Variants in ZMYND11 observed in about 807,000 individuals in gnomAD.
ZMYND11 encodes the protein zinc finger MYND-type containing 11, also known as zinc finger MYND domain-containing protein 11.
In ZMYND11, 9 loss-of-function variants were observed where a neutral mutation model predicts 84.9. That is an observed-to-expected ratio of 0.11 (90% CI 0.06 to 0.18). The LOEUF is 0.18. Ranked by LOEUF, ZMYND11 falls within the 10% of genes least tolerant of loss-of-function variation. ZMYND11 has a pLI of 1.00. For synonymous variants in ZMYND11, 250 were observed against 244.1 expected, an observed-to-expected ratio of 1.02 and a Z score of -0.23; for missense variants, 409 against 761.0, an observed-to-expected ratio of 0.54 and a Z score of 5.44.
chr10:166,692 C>CA (rs1489518036), intron 1 of ZMYND11, among the ~76,000 whole-genome samples: 1 of 152,028 alleles, frequency 6.6e-6, no homozygotes, highest in Non-Finnish European at 1.5e-5. Context: ...ACTAATTCTT[C>CA]AAAAGGTTAA....
intron 2 of ZMYND11, 41 bp from the exon 3 acceptor site, chr10:209,848 G>A (rs376890891): frequency 2.5e-6 from 4 of 1,570,158 alleles, no homozygotes; most frequent in Admixed American, 1.8e-5. Flanking sequence ...TTAGTTTTCA[G>A]TACTGAAAGA....
intron 2 of ZMYND11, among the ~76,000 whole-genome samples, chr10:199,232 T>C (rs1942513126): frequency 2.0e-5 from 3 of 151,730 alleles, no homozygotes; most frequent in Non-Finnish European, 1.5e-5. Flanking sequence ...GAACTCTCTC[T>C]CTCTCCCTTC....
chr10:150,502 TTTTC>T (rs1840067388), intron 1 of ZMYND11, among the ~76,000 whole-genome samples: 1 of 152,228 alleles, frequency 6.6e-6, no homozygotes, highest in African/African-American at 2.4e-5. Flanking sequence ...TTCTTCTCTT[TTTTC>T]TTCTTTATTA....
intron 3 of ZMYND11, among the ~76,000 whole-genome samples, chr10:216,211 G>A (rs1028589616): frequency 1.2e-4 from 18 of 152,150 alleles, no homozygotes; most frequent in African/African-American, 3.9e-4. Context: ...AAGCAGGGGC[G>A]CCCTTGCGTT....
chr10:153,287 T>G (rs2131354326), intron 1 of ZMYND11, among the ~76,000 whole-genome samples: 1 of 152,368 alleles, frequency 6.6e-6, no homozygotes, highest in East Asian at 1.9e-4. Context: ...CTAGTGTGAT[T>G]CCTATATAAT....
intron 3 of ZMYND11, among the ~76,000 whole-genome samples, chr10:213,275 C>A (rs913646805): frequency 1.3e-5 from 2 of 152,122 alleles, no homozygotes; most frequent in African/African-American, 4.8e-5. Flanking sequence ...ATGGAAGGGC[C>A]ACCTTTTCTA....
Position 248,319 on chromosome 10 carries a change from C to T in ZMYND11, c.1228-17C>T, listed in dbSNP as rs551530214. On this transcript the variant is annotated splice_polypyrimidine_tract_variant and intron_variant, in intron 12 of 14. Transcript: ENST00000381604. ...TGTGGCTTCGTTTGGCGTCTAAACTCTTGTCTCACCTTTTAGGAACCAGAG... is the reference window on the plus strand; with the variant it reads ...TGTGGCTTCGTTTGGCGTCTAAACTTTTGTCTCACCTTTTAGGAACCAGAG... 7 of 1,609,100 alleles carry T rather than the reference C, an allele frequency of 4.4e-6. No individual in the cohort carries two copies. The African/African-American group carries it at 8.0e-5, about 18-fold the overall frequency.
chr10:149,499 A>G (rs1275933101), intron 1 of ZMYND11, among the ~76,000 whole-genome samples: 2 of 151,740 alleles, frequency 1.3e-5, no homozygotes, highest in Non-Finnish European at 2.9e-5. Flanking sequence ...TTTAGTAGAG[A>G]CGGGGTTTCA....
intron 2 of ZMYND11, among the ~76,000 whole-genome samples, chr10:190,724 C>G (rs1303030764): frequency 1.3e-5 from 2 of 152,172 alleles, no homozygotes; most frequent in Non-Finnish European, 2.9e-5. Context: ...CCTGATGAGA[C>G]TATTCTCAAT....
At chr10:134,031 T>C (rs1316651482), upstream of ZMYND11, among the ~76,000 whole-genome samples, 1 of 152,174 alleles carries the variant, frequency 6.6e-6, no homozygotes, top group Non-Finnish European at 1.5e-5. Context: ...CAACCGTCTC[T>C]TCCTAATGAC....
chr10:169,323 T>C (rs149115149), intron 1 of ZMYND11, among the ~76,000 whole-genome samples: 1 of 152,244 alleles, frequency 6.6e-6, no homozygotes, highest in Non-Finnish European at 1.5e-5. Flanking sequence ...CCCCACACCT[T>C]ACACTATGTT....
intron 2 of ZMYND11, among the ~76,000 whole-genome samples, chr10:187,435 C>T (rs947492714): frequency 1.3e-5 from 2 of 151,586 alleles, no homozygotes; most frequent in Non-Finnish European, 2.9e-5. Context: ...GAGATCGAGA[C>T]CATCTTGGCT....
chr10:247,046 C>T, intron 11 of ZMYND11, 73 bp downstream of exon 11: 14 of 1,387,846 alleles, frequency 1.0e-5, no homozygotes, highest in East Asian at 2.5e-5. Context: ...GCACACTCCT[C>T]ACTGTAATGA....
At chr10:233,709 A>G (rs1949418950) in intron 4 of ZMYND11, among the ~76,000 whole-genome samples, 1 of 152,212 alleles carries the variant, frequency 6.6e-6, no homozygotes, top group Non-Finnish European at 1.5e-5. Flanking sequence ...CTGCACTCAG[A>G]AGGAGACAGA....
rs371031955 is a variant in ZMYND11 at position 216,515 on chromosome 10, A to G, written c.277-4680A>G. 2.2e-4 allele frequency among the ~76,000 whole-genome samples: 34 copies of G among 152,130 alleles called. 1 individual carries two copies. The East Asian group carries it at 2.3e-3, about 10-fold the overall frequency. ...TTTTTATGGATAGGTGTATATGTTTATGGGGTGTGAGATACAACTTACTCT... is the reference window on the plus strand; with the variant it reads ...TTTTTATGGATAGGTGTATATGTTTGTGGGGTGTGAGATACAACTTACTCT... On this transcript the variant is annotated intron_variant, in intron 3 of 14. Coordinates refer to ENST00000381604, the MANE Select transcript of ZMYND11 (RefSeq NM_001370100.5).
chr10:245,324 T>G (rs948953270), intron 10 of ZMYND11, among the ~76,000 whole-genome samples: 2 of 152,180 alleles, frequency 1.3e-5, no homozygotes, highest in Non-Finnish European at 2.9e-5. Flanking sequence ...GCTTCTAGAT[T>G]ATAAAGCTTG....
intron 3 of ZMYND11, among the ~76,000 whole-genome samples, chr10:214,716 C>T (rs1945856895): frequency 6.6e-6 from 1 of 152,108 alleles, no homozygotes. Flanking sequence ...TCCTTGTAGG[C>T]TCATATGTTG....
intron 2 of ZMYND11, among the ~76,000 whole-genome samples, chr10:208,699 G>C (rs1944631108): frequency 6.6e-6 from 1 of 152,160 alleles, no homozygotes; most frequent in Non-Finnish European, 1.5e-5. Flanking sequence ...GAAGGACTAA[G>C]ACAGAAAGAG....
intron 4 of ZMYND11, among the ~76,000 whole-genome samples, chr10:226,607 A>G (rs1355027770): frequency 1.3e-5 from 2 of 152,224 alleles, no homozygotes; most frequent in Non-Finnish European, 2.9e-5. Flanking sequence ...AATAGAATTT[A>G]GGGCTTTAAA....
Sources: gnomAD v4.1 joint callset for allele counts (sites outside exome capture counted in the v4.1 genomes callset) on GRCh38, gnomAD v4.1.1 for gene constraint, MANE v1.5 for transcripts, NCBI Gene and HGNC (gene_info 2026-07-23, HGNC 2026-07-21) for gene names.